The following PPARGC1A variants were observed in gnomAD, a reference collection of about 807,000 sequenced individuals.
PPARGC1A encodes peroxisome proliferator-activated receptor gamma coactivator 1-alpha.
PPARGC1A carries 25 observed loss-of-function variants against 88.7 expected under a neutral mutation model. That is an observed-to-expected ratio of 0.28 (90% CI 0.21 to 0.39). The LOEUF (loss-of-function observed/expected upper bound fraction) is 0.39, where lower values mean the gene tolerates loss of function less well. Among genes scored for constraint, PPARGC1A ranks in the 10% least tolerant of loss-of-function variants. PPARGC1A has a pLI of 1.00. For missense variants in PPARGC1A, 880 were observed against 968.7 expected (o/e 0.91, Z 1.22); for synonymous variants, 363 against 355.6 (o/e 1.02, Z -0.24).
At chr4:24,179,091 G>C in the PPARGC1A span, among the ~76,000 whole-genome samples, 1 of 152,148 alleles carries the variant, frequency 6.6e-6, no homozygotes, top group African/African-American at 2.4e-5. Flanking sequence ...ATCTCTTTAT[G>C]AGTTAAGTTC....
At chr4:23,994,002 T>C in the PPARGC1A span, among the ~76,000 whole-genome samples, 1 of 152,150 alleles carries the variant, frequency 6.6e-6, no homozygotes, top group Non-Finnish European at 1.5e-5. Flanking sequence ...GACAATTTCT[T>C]CTGAGGTTAA....
chr4:24,033,556 C>G, the PPARGC1A span, among the ~76,000 whole-genome samples: 5 of 152,162 alleles, frequency 3.3e-5, no homozygotes, highest in Non-Finnish European at 7.3e-5. Context: ...ACTTTGCATT[C>G]AGGGTTTTGC....
At chr4:24,059,341 T>C in the PPARGC1A span, among the ~76,000 whole-genome samples, 1 of 152,192 alleles carries the variant, frequency 6.6e-6, no homozygotes. Flanking sequence ...CCACCCAAAG[T>C]ATCATTTGTT....
At chr4:23,833,568 G>C (rs952563298) in intron 2 of PPARGC1A, among the ~76,000 whole-genome samples, 2 of 152,110 alleles carry the variant, frequency 1.3e-5, no homozygotes, top group African/African-American at 2.4e-5. Flanking sequence ...TAATTGACCT[G>C]ACAAAATTAC....
At chr4:23,921,644 C>T in the PPARGC1A span, among the ~76,000 whole-genome samples, 15 of 152,156 alleles carry the variant, frequency 9.9e-5, no homozygotes, top group Non-Finnish European at 1.5e-4. Flanking sequence ...ACGAGACAAG[C>T]GCACTTTGTG....
chr4:24,422,656 A>G, the PPARGC1A span, among the ~76,000 whole-genome samples: 2 of 151,830 alleles, frequency 1.3e-5, no homozygotes, highest in Non-Finnish European at 2.9e-5. Context: ...CTATTTGCTC[A>G]CATAGAGAAC....
At position 23,824,529 on chromosome 4, in the gene PPARGC1A, C is replaced by T; in HGVS notation, c.758-21G>A. 2.6e-6 allele frequency: 4 copies of T among 1,563,822 alleles called. No individual in the cohort carries two copies. The South Asian group carries it at 3.4e-5, about 13-fold the overall frequency. ...TTTGGCTAAAGAAAAAAAAAAGAAA[C>T]TAATTATGTAATATTGAGTGTCTTT... is the stretch of plus-strand genomic sequence containing the variant. On this transcript the variant is annotated intron_variant, in intron 5 of 12. Transcript: ENST00000264867.
the PPARGC1A span, among the ~76,000 whole-genome samples, chr4:24,082,134 G>C: frequency 2.0e-5 from 3 of 152,260 alleles, no homozygotes; most frequent in Admixed American, 6.5e-5. Context: ...GTTCTGCAGA[G>C]AGCCAGCCTG....
chr4:23,868,680 A>T (rs1320735094), intron 2 of PPARGC1A, among the ~76,000 whole-genome samples: 1 of 152,234 alleles, frequency 6.6e-6, no homozygotes, highest in Non-Finnish European at 1.5e-5. Context: ...GTGACAACAA[A>T]AATTCACTTT....
chr4:23,911,400 C>G, the PPARGC1A span, among the ~76,000 whole-genome samples: 1 of 152,146 alleles, frequency 6.6e-6, no homozygotes, highest in Non-Finnish European at 1.5e-5. Context: ...GGCAGCGATG[C>G]GAACACAAAT....
chr4:24,375,941 A>C, the PPARGC1A span, among the ~76,000 whole-genome samples: 4 of 152,136 alleles, frequency 2.6e-5, no homozygotes, highest in East Asian at 7.7e-4. Context: ...GACTTGCCAT[A>C]CCAAATGGTT....
intron 1 of PPARGC1A, 36 bp downstream of exon 1, chr4:23,889,868 G>A: frequency 6.2e-7 from 1 of 1,607,552 alleles, no homozygotes; most frequent in Non-Finnish European, 8.5e-7. Flanking sequence ...GGAAGCGTCA[G>A]TTGTGGCTGC....
the PPARGC1A span, among the ~76,000 whole-genome samples, chr4:24,225,529 C>CAAAA: frequency 2.0e-5 from 2 of 101,052 alleles, no homozygotes; most frequent in South Asian, 6.8e-4. Flanking sequence ...GACTCCGTCT[C>CAAAA]AAAAAAAAAA....
At chr4:24,277,241 G>A in the PPARGC1A span, among the ~76,000 whole-genome samples, 1 of 152,080 alleles carries the variant, frequency 6.6e-6, no homozygotes, top group Non-Finnish European at 1.5e-5. Flanking sequence ...ACCATGTACA[G>A]CTAATTTTTG....
chr4:24,441,746 GA>G, the PPARGC1A span, among the ~76,000 whole-genome samples: 1 of 152,232 alleles, frequency 6.6e-6, no homozygotes, highest in Admixed American at 6.5e-5. Context: ...AGGAGGGGAG[GA>G]AAAGGGTGGA....
chr4:24,307,532 G>A, the PPARGC1A span, among the ~76,000 whole-genome samples: 1 of 152,082 alleles, frequency 6.6e-6, no homozygotes, highest in South Asian at 2.1e-4. Context: ...CCCTTCCTTG[G>A]CCTCAAGAAG....
chr4:24,428,348 C>T, the PPARGC1A span, among the ~76,000 whole-genome samples: 1 of 152,176 alleles, frequency 6.6e-6, no homozygotes, highest in Admixed American at 6.5e-5. Flanking sequence ...CTTTCCCTCT[C>T]TCTCTCTTTT....
chr4:24,067,337 TAGAC>T, the PPARGC1A span, among the ~76,000 whole-genome samples: 347 of 152,242 alleles, frequency 2.3e-3, 1 homozygote, highest in African/African-American at 7.8e-3. Flanking sequence ...AAATAGGTAA[TAGAC>T]AGAGTTAGCT....
chr4:23,968,360 C>T, the PPARGC1A span, among the ~76,000 whole-genome samples: 11 of 152,148 alleles, frequency 7.2e-5, no homozygotes, highest in Admixed American at 2.0e-4. Flanking sequence ...AAACTGGTCT[C>T]TGGTATCCTT....
Sources: gnomAD v4.1 joint callset for allele counts (sites outside exome capture counted in the v4.1 genomes callset) on GRCh38, gnomAD v4.1.1 for gene constraint, MANE v1.5 for transcripts, NCBI Gene and HGNC (gene_info 2026-07-23, HGNC 2026-07-21) for gene names.